The following RPLP2 variants were observed in gnomAD, a reference collection of about 807,000 sequenced individuals.
RPLP2 encodes large ribosomal subunit protein P2.
RPLP2 carries 1 observed loss-of-function variant against 11.5 expected under a neutral mutation model. The ratio of observed to expected loss-of-function variants is 0.09; its 90% CI spans 0.03 to 0.41. The LOEUF is 0.41. Among genes scored for constraint, RPLP2 ranks in the 10% least tolerant of loss-of-function variants. The pLI, the probability that RPLP2 is intolerant of heterozygous loss-of-function variation, is 0.98. For missense variants in RPLP2, 177 were observed against 145.6 expected (o/e 1.22, Z -1.11); for synonymous variants, 82 against 55.9 (o/e 1.47, Z -2.08).
intron 1 of RPLP2, 73 bp from the exon 2 acceptor site, chr11:810,161 C>T (rs1045650514): frequency 6.5e-6 from 9 of 1,383,850 alleles, no homozygotes; most frequent in African/African-American, 6.1e-5. Flanking sequence ...CGGCCTCGCC[C>T]GGCGGCCCCG....
intron 2 of RPLP2, 41 bp downstream of exon 2, chr11:810,398 G>A (rs907630539): frequency 3.1e-6 from 5 of 1,592,622 alleles, no homozygotes; most frequent in African/African-American, 1.4e-5. Context: ...TGGGGCCCCA[G>A]TGTCCCATAC....
rs944816060 is a variant in RPLP2, at chr11:809,980, G to C, written c.-61G>C. The C allele has an allele frequency of 2.5e-6, 1 of 394,902 alleles. No homozygotes were observed. The highest frequency in any genetic ancestry group is 4.2e-5 in the East Asian group (1 of 23,574). The allele number at this position is 394,902 out of a possible 1,614,324, so 24.5% of individuals were successfully genotyped here. ...CGTCGGCGCCTTCCTTTTCCTCCCT[G>C]TCGCCACCGAGGTCGCACGCGTGAG... On this transcript the variant is annotated 5_prime_UTR_variant, in exon 1 of 5. Coordinates refer to ENST00000321153, the MANE Select transcript of RPLP2 (RefSeq NM_001004.4).
chr11:811,232 A>G, intron 2 of RPLP2: 1 of 322,292 alleles, frequency 3.1e-6, no homozygotes, highest in Non-Finnish European at 6.0e-6. Context: ...CTGAGGTGGG[A>G]TAGTCACTTG....
At chr11:811,667 T>TTCGTTTGTTTTCATGG (rs769827106) in intron 3 of RPLP2, 22 bp downstream of exon 3, 1 of 1,614,046 alleles carries the variant, frequency 6.2e-7, no homozygotes, top group African/African-American at 1.3e-5. Context: ...TGGACGGGCT[T>TTCGTTTGTTTTCATGG]TCGTTTGTTT....
intron 3 of RPLP2, 78 bp downstream of exon 3, chr11:811,723 G>C (rs1285771884): frequency 1.3e-6 from 2 of 1,594,526 alleles, no homozygotes; most frequent in Non-Finnish European, 1.7e-6. Context: ...GGCCTGCCAG[G>C]TTTCGCTTGT....
Position 810,288 on chromosome 11 carries a change from C to T in RPLP2, c.54C>T (p.Pro18=). ...LLAALGGNSS[P]SAKDIKKILD... is the part of the protein sequence containing the mutation. ...CTGCCCTAGGGGGCAACTCCTCCCC[C>T]AGCGCCAAGGACATCAAGAAGATCT... Residue 18 remains proline (P), a synonymous_variant, in exon 2 of 5, where the codon CCC becomes CCT. Transcript: ENST00000321153. 4.4e-6 allele frequency: 7 copies of T among 1,608,208 alleles called. No homozygotes were observed. Among genetic ancestry groups the T allele is most frequent in the Non-Finnish European group, 5.9e-6 (7 of 1,178,162 alleles).
In RPLP2 at chr11:812,876, C is replaced by T. The variant is rs1170107511; in HGVS notation, c.*40C>T. The T allele has an allele frequency of 4.4e-6, 7 of 1,601,468 alleles. No individual in the cohort carries two copies. The Admixed American group carries it at 5.0e-5, about 11-fold the overall frequency. ...GCAAATAAAGCCTTTTTACACATCT[C>T]TCAAGTATTCCATGAGCACTTTGTC... On this transcript the variant is annotated 3_prime_UTR_variant, in exon 5 of 5. Coordinates refer to ENST00000321153, the MANE Select transcript of RPLP2 (RefSeq NM_001004.4).
intron 1 of RPLP2, 86 bp downstream of exon 1, chr11:810,125 C>A: frequency 7.8e-7 from 1 of 1,281,604 alleles, no homozygotes; most frequent in Non-Finnish European, 1.0e-6. Context: ...ATTTTTGGGA[C>A]GGAGGCCTAC....
chr11:810,030 ACGC>A lies in RPLP2; in HGVS notation c.-4_-2del. 1 of 532,788 alleles carries A rather than the reference ACGC, an allele frequency of 1.9e-6. No homozygotes were observed. The highest frequency in any genetic ancestry group is 2.9e-6 in the Non-Finnish European group (1 of 339,800). 33.0% of individuals were successfully genotyped at this position (532,788 alleles called of 1,614,324 possible). A position where few individuals can be genotyped will look rare whatever the true frequency, so the allele number is the denominator to read the frequency against. On this transcript the variant is annotated 5_prime_UTR_variant, in exon 1 of 5. Transcript: ENST00000321153. Reference sequence around the variant, plus strand: ...GACTTCTCCGCCGCCTCCGCCGCAGACGCCGCCGCGTGAGTGTGGTGACCGGGC... The same window carrying A: ...GACTTCTCCGCCGCCTCCGCCGCAGACGCCGCGTGAGTGTGGTGACCGGGC...
chr11:811,599 T>C lies in RPLP2; in HGVS notation c.126T>C (p.Val42=). 1.9e-6 allele frequency: 3 copies of C among 1,614,214 alleles called. No individual in the cohort carries two copies. The highest frequency in any genetic ancestry group is 2.5e-6 in the Non-Finnish European group (3 of 1,180,024). ...AGCCCTGTGATTGTCTGCTTCAGGT[T>C]ATCAGTGAGCTGAATGGAAAAAACA... ...IEADDDRLNK[V]ISELNGKNIE... is the part of the protein sequence containing the mutation. The change falls in exon 3 of 5, where the codon GTT becomes GTC. Residue 42 remains valine, a splice_region_variant and synonymous_variant. Transcript: ENST00000321153.
At position 812,538 on chromosome 11, in the gene RPLP2, T is replaced by C. The variant is rs140498121; in HGVS notation, c.176T>C (p.Ile59Thr). The C allele has an allele frequency of 5.0e-6, 8 of 1,609,242 alleles. No homozygotes were observed. In the African/African-American group the frequency reaches 9.4e-5, roughly 19 times the overall value. Residue 59 changes from isoleucine to threonine, a missense_variant, in exon 4 of 5, where the codon ATT becomes ACT. By Grantham distance (89) the Ile-to-Thr change is moderately conservative. Coordinates refer to ENST00000321153, the MANE Select transcript of RPLP2 (RefSeq NM_001004.4). ...CTCACCTCTCTGCTTTCTGTAGGTA[T>C]TGGCAAGCTTGCCAGTGTACCTGCT... is the stretch of plus-strand genomic sequence containing the variant. Reference protein sequence around the residue: ...KNIEDVIAQGIGKLASVPAGG... With the variant: ...KNIEDVIAQGTGKLASVPAGG...
rs767455198 is a variant in RPLP2 at position 811,653 on chromosome 11, G to T, written c.172+8G>T. The T allele has an allele frequency of 2.5e-6, 4 of 1,614,248 alleles. No individual in the cohort carries two copies. The highest frequency in any genetic ancestry group is 3.4e-6 in the Non-Finnish European group (4 of 1,180,038). On this transcript the variant is annotated splice_region_variant and intron_variant, in intron 3 of 4. Transcript: ENST00000321153. ...AAGACGTCATTGCCCAGGGTGAGTT[G>T]ATGTGGACGGGCTTTCGTTTGTTTT...
intron 2 of RPLP2, among the ~76,000 whole-genome samples, chr11:810,881 C>CT (rs1565078792): frequency 9.6e-6 from 1 of 103,732 alleles, no homozygotes; most frequent in Non-Finnish European, 2.3e-5. Flanking sequence ...CGTAAGATTG[C>CT]GTTAAAAAAA....
At chr11:812,678 G>T in intron 4 of RPLP2, 45 bp downstream of exon 4, 1 of 1,612,182 alleles carries the variant, frequency 6.2e-7, no homozygotes, top group Non-Finnish European at 8.5e-7. Context: ...GGGCTCAGAC[G>T]GTGTTGCTGC....
At chr11:811,418 C>T (rs938271182) in intron 2 of RPLP2, 179 bp from the exon 3 acceptor site, 6 of 648,384 alleles carry the variant, frequency 9.3e-6, no homozygotes. Flanking sequence ...AGCTAGTGTC[C>T]ATTTATTTTT....
At chr11:811,970 C>A in intron 3 of RPLP2, 1 of 534,084 alleles carries the variant, frequency 1.9e-6, no homozygotes. Context: ...CAGTCCTTAC[C>A]ACATGCTTTC....
chr11:812,303 T>C (rs1866088800), intron 3 of RPLP2: 2 of 577,404 alleles, frequency 3.5e-6, no homozygotes, highest in Non-Finnish European at 6.2e-6. Context: ...AGGCAGGCAG[T>C]GTGGGCCTAA....
At chr11:810,192 G>A (rs1343313088) in intron 1 of RPLP2, 42 bp from the exon 2 acceptor site, 3 of 1,456,688 alleles carry the variant, frequency 2.1e-6, no homozygotes, top group Non-Finnish European at 2.7e-6. Flanking sequence ...GCAGGAGGCC[G>A]CCGGGGTAAC....
At chr11:811,526 ACT>A (rs1465774426) in intron 2 of RPLP2, 69 bp from the exon 3 acceptor site, 2 of 1,592,856 alleles carry the variant, frequency 1.3e-6, no homozygotes, top group Non-Finnish European at 1.7e-6. Context: ...TCCTGCTGTG[ACT>A]CTGGGAGGGA....
Sources: gnomAD v4.1 joint callset for allele counts (sites outside exome capture counted in the v4.1 genomes callset) on GRCh38, gnomAD v4.1.1 for gene constraint, MANE v1.5 for transcripts, NCBI Gene and HGNC (gene_info 2026-07-23, HGNC 2026-07-21) for gene names.